KBTBD11: variants seen among roughly 807,000 people sequenced by gnomAD.
KBTBD11 encodes kelch repeat and BTB domain-containing protein 11.
For synonymous variants in KBTBD11, 747 were observed against 499.0 expected (o/e 1.50, Z -6.63); for missense variants, 1,390 against 1,001.8 (o/e 1.39, Z -5.23).
chr8:2,001,573 G>C lies in KBTBD11; in HGVS notation c.381G>C (p.Ala127=). Residue 127 remains alanine (A), a synonymous_variant, in exon 2 of 2, where the codon GCG becomes GCC. Coordinates refer to ENST00000320248, the MANE Select transcript of KBTBD11 (RefSeq NM_014867.3). ...CCCCCGAGGAGCCCGGGGAGCCCGC[G>C]CCCGTACCCCCGGGGTTCGGGGCGG... ...PASPEEPGEP[A]PVPPGFGAVY... 6.9e-7 allele frequency: 1 copy of C among 1,445,422 alleles called. No individual in the cohort carries two copies. The highest frequency in any genetic ancestry group is 9.1e-7 in the Non-Finnish European group (1 of 1,104,734). 89.5% of individuals were successfully genotyped at this position (1,445,422 alleles called of 1,614,324 possible).
chr8:2,001,416 A>T lies in KBTBD11; in HGVS notation c.224A>T (p.Glu75Val), dbSNP rs1452001608. Residue 75 changes from glutamate (E) to valine (V), a missense_variant, in exon 2 of 2, where the codon GAG becomes GTG. Coordinates refer to ENST00000320248, the MANE Select transcript of KBTBD11 (RefSeq NM_014867.3). ...PPSSGGPRVV[E>V]RQWEAGSAGA... Reference sequence around the variant, plus strand: ...TCCAGCGGTGGCCCGCGGGTGGTGGAGCGGCAGTGGGAGGCCGGCAGCGCG... The same window carrying T: ...TCCAGCGGTGGCCCGCGGGTGGTGGTGCGGCAGTGGGAGGCCGGCAGCGCG... The T allele has an allele frequency of 2.5e-5, 34 of 1,385,998 alleles. No homozygotes were observed. The highest frequency in any genetic ancestry group is 3.2e-5 in the Non-Finnish European group (34 of 1,075,202). The allele number at this position is 1,385,998 out of a possible 1,614,324, so 85.9% of individuals were successfully genotyped here.
intron 1 of KBTBD11, among the ~76,000 whole-genome samples, chr8:1,980,108 C>A (rs1585721955): frequency 6.6e-6 from 1 of 152,126 alleles, no homozygotes; most frequent in South Asian, 2.1e-4. Context: ...GTAGAATCCC[C>A]TGTCTAAGTA....
intron 1 of KBTBD11, among the ~76,000 whole-genome samples, chr8:1,989,073 C>A (rs1283686098): frequency 6.6e-6 from 1 of 152,120 alleles, no homozygotes; most frequent in Non-Finnish European, 1.5e-5. Flanking sequence ...GGTTTCAGAG[C>A]TGGACATTTC....
chr8:1,994,307 A>C (rs1439043175), intron 1 of KBTBD11, among the ~76,000 whole-genome samples: 3 of 152,240 alleles, frequency 2.0e-5, no homozygotes, highest in African/African-American at 7.2e-5. Context: ...GTCAATGCTC[A>C]GAACTGCGCA....
chr8:1,982,950 T>G (rs1166241201), intron 1 of KBTBD11, among the ~76,000 whole-genome samples: 1 of 152,146 alleles, frequency 6.6e-6, no homozygotes, highest in Non-Finnish European at 1.5e-5. Flanking sequence ...GGTGTTGAAC[T>G]GCTGACCTCA....
At chr8:1,990,191 C>T (rs1816859226) in intron 1 of KBTBD11, among the ~76,000 whole-genome samples, 1 of 152,062 alleles carries the variant, frequency 6.6e-6, no homozygotes, top group African/African-American at 2.4e-5. Context: ...TGGGTAGATG[C>T]TGGGCCTTGG....
intron 1 of KBTBD11, among the ~76,000 whole-genome samples, chr8:1,995,351 G>T (rs1360163534): frequency 6.6e-6 from 1 of 152,152 alleles, no homozygotes; most frequent in Non-Finnish European, 1.5e-5. Context: ...CCCCAGGACA[G>T]CACAGAACCT....
At position 2,001,706 on chromosome 8, in the gene KBTBD11, G is replaced by T; in HGVS notation, c.514G>T (p.Asp172Tyr). The T allele has an allele frequency of 7.0e-7, 1 of 1,428,426 alleles. No homozygotes were observed. The highest frequency in any genetic ancestry group is 3.0e-5 in the East Asian group (1 of 32,920). 88.5% of individuals were successfully genotyped at this position (1,428,426 alleles called of 1,614,324 possible). A position where few individuals can be genotyped will look rare whatever the true frequency, so the allele number is the denominator to read the frequency against. The change falls in exon 2 of 2, where the codon GAC (aspartate) becomes TAC (tyrosine). Residue 172 changes from aspartate to tyrosine, a missense_variant. Coordinates refer to ENST00000320248, the MANE Select transcript of KBTBD11 (RefSeq NM_014867.3). ...CTACTTCCGCGCGCGCGCGTCGCGG[G>T]ACGTGCTGCGGGTGCAGGGAGTGAG... ...SDYFRARASR[D>Y]VLRVQGVSLT...
chr8:1,994,840 C>G (rs747724144), intron 1 of KBTBD11, among the ~76,000 whole-genome samples: 1 of 152,124 alleles, frequency 6.6e-6, no homozygotes, highest in African/African-American at 2.4e-5. Flanking sequence ...GGGCGGATCA[C>G]TTGAGGTCAG....
intron 1 of KBTBD11, among the ~76,000 whole-genome samples, chr8:1,996,966 A>G (rs969757144): frequency 1.3e-5 from 2 of 152,152 alleles, no homozygotes; most frequent in Non-Finnish European, 2.9e-5. Flanking sequence ...ATGATTTCCT[A>G]ATTACCAGCA....
intron 1 of KBTBD11, among the ~76,000 whole-genome samples, chr8:1,985,597 C>G (rs897039250): frequency 6.6e-6 from 1 of 152,240 alleles, no homozygotes; most frequent in Admixed American, 6.5e-5. Flanking sequence ...CTGAACTGTT[C>G]TCTCATCTCA....
Position 2,001,185 on chromosome 8 carries a change from G to C in KBTBD11, c.-8G>C. On this transcript the variant is annotated 5_prime_UTR_variant, in exon 2 of 2. Coordinates refer to ENST00000320248, the MANE Select transcript of KBTBD11 (RefSeq NM_014867.3). ...GGGCGCGCGGGCGCAGCGCAGCACA[G>C]CCCGGCCATGGAGCACGCGGTGGCC... 1 of 1,341,728 alleles carries C rather than the reference G, an allele frequency of 7.5e-7. No homozygotes were observed. The highest frequency in any genetic ancestry group is 1.5e-5 in the African/African-American group (1 of 65,658). 83.1% of individuals were successfully genotyped at this position (1,341,728 alleles called of 1,614,324 possible). A position where few individuals can be genotyped will look rare whatever the true frequency, so the allele number is the denominator to read the frequency against.
chr8:1,997,461 G>A (rs926682375), intron 1 of KBTBD11, among the ~76,000 whole-genome samples: 1 of 152,074 alleles, frequency 6.6e-6, no homozygotes, highest in African/African-American at 2.4e-5. Context: ...GACAGAAAAG[G>A]GCCTCCTGCT....
intron 1 of KBTBD11, among the ~76,000 whole-genome samples, chr8:1,981,787 A>T (rs974883394): frequency 4.6e-5 from 7 of 152,196 alleles, no homozygotes; most frequent in Non-Finnish European, 7.3e-5. Flanking sequence ...GGACTCTGGG[A>T]CTTGCATCAG....
rs1817479982 is a variant in KBTBD11, at chr8:2,003,537, T to C, written c.*473T>C. 5.9e-6 allele frequency: 1 copy of C among 168,356 alleles called. No individual in the cohort carries two copies. Among genetic ancestry groups the C allele is most frequent in the African/African-American group, 2.4e-5 (1 of 41,506 alleles). The allele number at this position is 168,356 out of a possible 1,614,324, so 10.4% of individuals were successfully genotyped here. A position where few individuals can be genotyped will look rare whatever the true frequency, so the allele number is the denominator to read the frequency against. On this transcript the variant is annotated 3_prime_UTR_variant, in exon 2 of 2. Transcript: ENST00000320248. ...GAGATTTAAAATTATAACTGATAAG[T>C]AAAGCTCTTTCTGATTTAGTTGAAA...
rs1259885309 is a variant in KBTBD11 at position 1,991,547 on chromosome 8, GATC to G, written c.-908-8737_-908-8735del. 2.0e-3 allele frequency among the ~76,000 whole-genome samples: 310 copies of G among 152,082 alleles called. 4 individuals carry two copies. Among genetic ancestry groups the G allele is most frequent in the African/African-American group, 7.1e-3 (293 of 41,330 alleles). On this transcript the variant is annotated intron_variant, in intron 1 of 1. Transcript: ENST00000320248. The stretch of plus-strand genomic sequence containing the variant: ...AGCTTTCCCTCGATTCCAGCTCTGT[GATC>G]CATGAGGGCAGGGCCCTTGCTCCTG...
At chr8:1,994,327 G>T (rs148788234) in intron 1 of KBTBD11, among the ~76,000 whole-genome samples, 6 of 152,350 alleles carry the variant, frequency 3.9e-5, no homozygotes, top group Non-Finnish European at 7.3e-5. Flanking sequence ...AGAGCACCCT[G>T]ACTTGCTTGG....
At position 2,002,173 on chromosome 8, in the gene KBTBD11, C is replaced by T; in HGVS notation, c.981C>T (p.Val327=). The T allele has an allele frequency of 1.6e-6, 2 of 1,237,150 alleles. No individual in the cohort carries two copies. The highest frequency in any genetic ancestry group is 2.0e-6 in the Non-Finnish European group (2 of 992,830). 76.6% of individuals were successfully genotyped at this position (1,237,150 alleles called of 1,614,324 possible). A position where few individuals can be genotyped will look rare whatever the true frequency, so the allele number is the denominator to read the frequency against. ...CGGACGCGCGCGGGGACGCGGCCGTCTACTGCTTCCACGCGGCGGCCGGAG... is the reference window on the plus strand; with the variant it reads ...CGGACGCGCGCGGGGACGCGGCCGTTTACTGCTTCCACGCGGCGGCCGGAG... The part of the protein sequence containing the change: ...GDADARGDAA[V]YCFHAAAGEW... Residue 327 remains valine (V), a synonymous_variant, in exon 2 of 2, where the codon GTC becomes GTT. Coordinates refer to ENST00000320248, the MANE Select transcript of KBTBD11 (RefSeq NM_014867.3). The surrounding 1 kb of genome is among the most constrained non-coding windows in gnomAD (Gnocchi z 4.1).
Position 2,003,345 on chromosome 8 carries a change from C to A in KBTBD11, c.*281C>A. 2.8e-6 allele frequency: 1 copy of A among 351,814 alleles called. No individual in the cohort carries two copies. The highest frequency in any genetic ancestry group is 5.0e-6 in the Non-Finnish European group (1 of 200,020). 21.8% of individuals were successfully genotyped at this position (351,814 alleles called of 1,614,324 possible). On this transcript the variant is annotated 3_prime_UTR_variant, in exon 2 of 2. Coordinates refer to ENST00000320248, the MANE Select transcript of KBTBD11 (RefSeq NM_014867.3). ...AAGGCTGTGGGATCCAAAGGGTCAG[C>A]CTCAGGGTACAGTGGGGGTTCCTGA...
Sources: gnomAD v4.1 joint callset for allele counts (sites outside exome capture counted in the v4.1 genomes callset) on GRCh38, gnomAD v4.1.1 for gene constraint, Gnocchi (gnomAD v3.1) non-coding constraint, MANE v1.5 for transcripts, NCBI Gene and HGNC (gene_info 2026-07-23, HGNC 2026-07-21) for gene names.